Variants in AFG1L observed in about 807,000 individuals in gnomAD.
AFG1L encodes the protein AFG1-like ATPase.
AFG1L carries 53 observed loss-of-function variants against 62.2 expected under a neutral mutation model. The observed-to-expected ratio is 0.85, with a 90% CI of 0.68 to 1.07. The LOEUF is 1.07. Among genes scored for constraint, AFG1L ranks in the 50% least tolerant of loss-of-function variants. AFG1L has a pLI of 0.00. For missense variants in AFG1L, 555 were observed against 590.5 expected (o/e 0.94, Z 0.62); for synonymous variants, 228 against 210.3 (o/e 1.08, Z -0.73).
chr6:108,347,510 T>C (rs967493211), intron 3 of AFG1L, among the ~76,000 whole-genome samples: 3 of 152,228 alleles, frequency 2.0e-5, no homozygotes, highest in Non-Finnish European at 4.4e-5. Context: ...TCTTAATGCA[T>C]AAGTGGTAAC....
At chr6:108,321,514 C>G (rs1777811528) in intron 1 of AFG1L, among the ~76,000 whole-genome samples, 1 of 152,188 alleles carries the variant, frequency 6.6e-6, no homozygotes, top group Non-Finnish European at 1.5e-5. Context: ...CCTAGAGTCA[C>G]CTCCTTAACA....
At chr6:108,494,084 A>G (rs1242920865) in intron 10 of AFG1L, among the ~76,000 whole-genome samples, 1 of 151,834 alleles carries the variant, frequency 6.6e-6, no homozygotes, top group Non-Finnish European at 1.5e-5. Flanking sequence ...GGCCTCCCAA[A>G]CTGCTGGGAT....
At chr6:108,513,286 C>T (rs1433049370) in intron 11 of AFG1L, among the ~76,000 whole-genome samples, 2 of 152,184 alleles carry the variant, frequency 1.3e-5, no homozygotes, top group Non-Finnish European at 2.9e-5. Flanking sequence ...GGGTGCAGCG[C>T]ACCGAGCATG....
At chr6:108,477,535 G>T (rs904655620) in intron 10 of AFG1L, among the ~76,000 whole-genome samples, 81 of 152,142 alleles carry the variant, frequency 5.3e-4, no homozygotes, top group African/African-American at 1.7e-3. Flanking sequence ...GTCAACTGTT[G>T]CTAGAAGCAA....
chr6:108,350,920 A>G (rs1375068275), intron 3 of AFG1L, among the ~76,000 whole-genome samples: 1 of 152,192 alleles, frequency 6.6e-6, no homozygotes, highest in Non-Finnish European at 1.5e-5. Context: ...ACATGTGCCT[A>G]CTACACACCT....
chr6:108,349,688 G>A (rs562713013), intron 3 of AFG1L, among the ~76,000 whole-genome samples: 1 of 152,202 alleles, frequency 6.6e-6, no homozygotes, highest in East Asian at 1.9e-4. Context: ...GGCTGAGGCA[G>A]GATGATTGCT....
intron 8 of AFG1L, among the ~76,000 whole-genome samples, chr6:108,464,483 C>T (rs2114786267): frequency 6.6e-6 from 1 of 152,282 alleles, no homozygotes; most frequent in South Asian, 2.1e-4. Context: ...AGCACTCAGG[C>T]TTTTCATCCA....
At position 108,431,597 on chromosome 6, in the gene AFG1L, C is replaced by CT. The variant is rs5878977; in HGVS notation, c.808-15597dup. On this transcript the variant is annotated intron_variant, in intron 7 of 12. Transcript: ENST00000368977. ...TCAGATGTTTCACCTTTCTTTGTTG[C>CT]TTTTTTTTTTTTTTTTTTTTGAGAC... Among the ~76,000 whole-genome samples, 453 of 98,422 alleles carry CT rather than the reference C, an allele frequency of 4.6e-3. 2 individuals carry two copies. Among genetic ancestry groups the CT allele is most frequent in the Admixed American group, 0.015 (133 of 9,094 alleles). The allele number at this position is 98,422 out of a possible 152,430, so 64.6% of individuals were successfully genotyped here. A position where few individuals can be genotyped will look rare whatever the true frequency, so the allele number is the denominator to read the frequency against.
At chr6:108,483,360 T>A (rs1773402661) in intron 10 of AFG1L, among the ~76,000 whole-genome samples, 1 of 152,184 alleles carries the variant, frequency 6.6e-6, no homozygotes, top group Non-Finnish European at 1.5e-5. Flanking sequence ...CTGGGAGAAA[T>A]AACCCATATA....
intron 6 of AFG1L, among the ~76,000 whole-genome samples, chr6:108,390,331 G>A (rs1258645280): frequency 6.6e-6 from 1 of 152,142 alleles, no homozygotes; most frequent in East Asian, 1.9e-4. Flanking sequence ...CTTTAGCTTG[G>A]AGAAGTTTGA....
At chr6:108,410,858 G>A (rs1326801463) in intron 7 of AFG1L, among the ~76,000 whole-genome samples, 4 of 152,166 alleles carry the variant, frequency 2.6e-5, no homozygotes. Flanking sequence ...AGCTCCCAGT[G>A]TAAGCAATGC....
At chr6:108,518,132 A>G (rs1450250973) in intron 11 of AFG1L, among the ~76,000 whole-genome samples, 2 of 152,218 alleles carry the variant, frequency 1.3e-5, no homozygotes, top group Non-Finnish European at 2.9e-5. Context: ...ATACCATTTG[A>G]CCCAGGCATC....
In AFG1L at chr6:108,522,263, T is replaced by C. The variant is rs1474821835; in HGVS notation, c.1318-34T>C. On this transcript the variant is annotated intron_variant, in intron 12 of 12. Transcript: ENST00000368977. ...AGGTTCTGTAAATTTTCATTTGTGA[T>C]AGCTTTATTTTAATTTCTTTGTTTT... The C allele has an allele frequency of 3.1e-6, 5 of 1,600,122 alleles. No homozygotes were observed. The Admixed American group carries it at 5.0e-5, about 16-fold the overall frequency.
At chr6:108,340,533 A>G (rs1373163088) in intron 2 of AFG1L, among the ~76,000 whole-genome samples, 2 of 151,742 alleles carry the variant, frequency 1.3e-5, no homozygotes, top group African/African-American at 4.8e-5. Context: ...GCCAGCTAAT[A>G]TTTGTATTTT....
At chr6:108,494,704 T>A (rs1773908639) in intron 10 of AFG1L, among the ~76,000 whole-genome samples, 1 of 152,164 alleles carries the variant, frequency 6.6e-6, no homozygotes, top group South Asian at 2.1e-4. Context: ...ATATGAATCT[T>A]GGGAAATTAT....
chr6:108,521,842 A>G (rs1775137508), intron 12 of AFG1L: 1 of 153,350 alleles, frequency 6.5e-6, no homozygotes, highest in African/African-American at 2.4e-5. Flanking sequence ...CCTGGCTTTT[A>G]GATCCCAGGC....
chr6:108,312,364 C>T (rs1204047616), intron 1 of AFG1L, among the ~76,000 whole-genome samples: 2 of 151,848 alleles, frequency 1.3e-5, no homozygotes, highest in Non-Finnish European at 1.5e-5. Context: ...CATAGTGAGA[C>T]CCTGTCTCTA....
At chr6:108,347,581 TTC>T (rs536103120) in intron 3 of AFG1L, among the ~76,000 whole-genome samples, 15 of 152,234 alleles carry the variant, frequency 9.9e-5, no homozygotes, top group Non-Finnish European at 2.2e-4. Flanking sequence ...GCTGGAAACT[TTC>T]TGAGTGGTCA....
intron 2 of AFG1L, among the ~76,000 whole-genome samples, chr6:108,330,320 T>C (rs1190530274): frequency 6.6e-6 from 1 of 151,294 alleles, no homozygotes; most frequent in East Asian, 1.9e-4. Context: ...GGACTACAGG[T>C]GCATGCCACC....
Sources: gnomAD v4.1 joint callset for allele counts (sites outside exome capture counted in the v4.1 genomes callset) on GRCh38, gnomAD v4.1.1 for gene constraint, MANE v1.5 for transcripts, NCBI Gene and HGNC (gene_info 2026-07-23, HGNC 2026-07-21) for gene names.